The following ARHGEF26 variants were observed in gnomAD, a reference collection of about 807,000 sequenced individuals.
The protein encoded by ARHGEF26 is Rho guanine nucleotide exchange factor 26.
Under a neutral mutation model 89.4 loss-of-function variants are expected in ARHGEF26, and 59 were observed. The observed-to-expected ratio is 0.66, with a 90% CI of 0.54 to 0.82. ARHGEF26 has a LOEUF of 0.82. Ranked by LOEUF, ARHGEF26 falls within the 40% of genes least tolerant of loss-of-function variation. ARHGEF26 has a pLI of 0.00. For synonymous variants in ARHGEF26, 500 were observed against 428.4 expected (o/e 1.17, Z -2.06); for missense variants, 1,234 against 1,085.6 (o/e 1.14, Z -1.92).
intron 11 of ARHGEF26, among the ~76,000 whole-genome samples, chr3:154,234,840 A>G (rs1036198252): frequency 2.0e-5 from 3 of 152,080 alleles, no homozygotes; most frequent in African/African-American, 7.2e-5. Context: ...ATCTCGGCTC[A>G]CTGCAAGGTC....
At chr3:154,124,882 A>G (rs1263144836) in intron 3 of ARHGEF26, among the ~76,000 whole-genome samples, 1 of 151,980 alleles carries the variant, frequency 6.6e-6, no homozygotes, top group Non-Finnish European at 1.5e-5. Flanking sequence ...CTGTTTCCTT[A>G]TTAAGTTTCA....
intron 2 of ARHGEF26, among the ~76,000 whole-genome samples, chr3:154,123,665 T>C (rs1388052205): frequency 1.3e-5 from 2 of 152,226 alleles, no homozygotes; most frequent in African/African-American, 4.8e-5. Flanking sequence ...TTGCTTGTTT[T>C]TGTCACCGTG....
chr3:154,140,739 C>T (rs1719317559), intron 4 of ARHGEF26, among the ~76,000 whole-genome samples: 1 of 151,898 alleles, frequency 6.6e-6, no homozygotes, highest in Admixed American at 6.6e-5. Flanking sequence ...CGCCACCACG[C>T]CCGGCTAATT....
At chr3:154,188,521 T>C (rs1713734164) in intron 7 of ARHGEF26, among the ~76,000 whole-genome samples, 1 of 152,234 alleles carries the variant, frequency 6.6e-6, no homozygotes, top group East Asian at 1.9e-4. Flanking sequence ...TGTTCAGTAA[T>C]GCCTATATGT....
intron 4 of ARHGEF26, among the ~76,000 whole-genome samples, chr3:154,143,102 A>G (rs180789162): frequency 1.1e-3 from 162 of 152,302 alleles, no homozygotes; most frequent in Non-Finnish European, 1.6e-3. Flanking sequence ...ATGTTGAAGT[A>G]GTATTTTAGT....
chr3:154,242,405 G>A (rs879911452), intron 12 of ARHGEF26, among the ~76,000 whole-genome samples: 12 of 152,148 alleles, frequency 7.9e-5, no homozygotes, highest in Admixed American at 2.0e-4. Flanking sequence ...AGACTTCAGC[G>A]GAGGAAGCAA....
intron 6 of ARHGEF26, among the ~76,000 whole-genome samples, chr3:154,158,010 G>T (rs982910970): frequency 6.6e-6 from 1 of 152,054 alleles, no homozygotes; most frequent in Non-Finnish European, 1.5e-5. Context: ...TACCCCCTAA[G>T]GATACTTGGA....
At chr3:154,197,100 T>G (rs1714340062) in intron 9 of ARHGEF26, among the ~76,000 whole-genome samples, 1 of 152,140 alleles carries the variant, frequency 6.6e-6, no homozygotes, top group Non-Finnish European at 1.5e-5. Flanking sequence ...GTGAGTTGCT[T>G]TACCTTGATA....
chr3:154,161,349 C>T (rs1432919175), intron 6 of ARHGEF26, among the ~76,000 whole-genome samples: 2 of 150,880 alleles, frequency 1.3e-5, no homozygotes, highest in Non-Finnish European at 2.9e-5. Flanking sequence ...TAGGCAAGTA[C>T]TTGTTGACTT....
chr3:154,176,649 T>C (rs1712837618), intron 6 of ARHGEF26, among the ~76,000 whole-genome samples: 1 of 152,164 alleles, frequency 6.6e-6, no homozygotes, highest in Non-Finnish European at 1.5e-5. Context: ...GAGGCGTGCC[T>C]CTGTGTGCTT....
Position 154,255,926 on chromosome 3 carries a change from T to A in ARHGEF26, c.*453T>A. 1 of 982,044 alleles carries A rather than the reference T, an allele frequency of 1.0e-6. No individual in the cohort carries two copies. Among genetic ancestry groups the A allele is most frequent in the South Asian group, 4.7e-5 (1 of 21,222 alleles). 60.8% of individuals were successfully genotyped at this position (982,044 alleles called of 1,614,324 possible). On this transcript the variant is annotated 3_prime_UTR_variant, in exon 15 of 15. Coordinates refer to ENST00000465093, the MANE Select transcript of ARHGEF26 (RefSeq NM_015595.4). ...CCAGTTTTGTAAATATTTCCCTGCCTTTTTTTTTCTTTTTTTACATCTGAT... is the reference window on the plus strand; with the variant it reads ...CCAGTTTTGTAAATATTTCCCTGCCATTTTTTTTCTTTTTTTACATCTGAT...
chr3:154,128,512 T>A (rs1018800067), intron 3 of ARHGEF26, among the ~76,000 whole-genome samples: 1 of 152,172 alleles, frequency 6.6e-6, no homozygotes, highest in African/African-American at 2.4e-5. Context: ...GTGCTGAGAT[T>A]ACAAGTGTGA....
At chr3:154,188,581 T>C (rs1362374989) in intron 7 of ARHGEF26, among the ~76,000 whole-genome samples, 1 of 152,204 alleles carries the variant, frequency 6.6e-6, no homozygotes, top group Non-Finnish European at 1.5e-5. Flanking sequence ...AGCACAGTTG[T>C]GCACTGCTGT....
intron 11 of ARHGEF26, among the ~76,000 whole-genome samples, chr3:154,230,694 A>C (rs1202728238): frequency 6.6e-6 from 1 of 152,202 alleles, no homozygotes; most frequent in East Asian, 1.9e-4. Flanking sequence ...CATTTAAGAC[A>C]GGAGATTTCT....
At chr3:154,124,034 T>G (rs1183138220) in intron 2 of ARHGEF26, among the ~76,000 whole-genome samples, 1 of 152,108 alleles carries the variant, frequency 6.6e-6, no homozygotes, top group Non-Finnish European at 1.5e-5. Flanking sequence ...GAGCCCGTGG[T>G]CTTAAAGAAA....
At chr3:154,197,365 AAGAG>A in intron 9 of ARHGEF26, among the ~76,000 whole-genome samples, 1 of 152,328 alleles carries the variant, frequency 6.6e-6, no homozygotes, top group African/African-American at 2.4e-5. Context: ...TTTCAGCAGA[AAGAG>A]TATGCATAGA....
At chr3:154,189,935 ATTTCT>A (rs1238563639) in intron 7 of ARHGEF26, among the ~76,000 whole-genome samples, 2 of 152,090 alleles carry the variant, frequency 1.3e-5, no homozygotes, top group African/African-American at 4.8e-5. Flanking sequence ...TTTCTGTATA[ATTTCT>A]TTTCATTTGC....
Position 154,256,141 on chromosome 3 carries a change from TA to T in ARHGEF26, c.*671del. The T allele has an allele frequency of 1.0e-6, 1 of 984,918 alleles. No individual in the cohort carries two copies. Among genetic ancestry groups the T allele is most frequent in the Non-Finnish European group, 1.2e-6 (1 of 829,100 alleles). 61.0% of individuals were successfully genotyped at this position (984,918 alleles called of 1,614,324 possible). A position where few individuals can be genotyped will look rare whatever the true frequency, so the allele number is the denominator to read the frequency against. On this transcript the variant is annotated 3_prime_UTR_variant, in exon 15 of 15. Coordinates refer to ENST00000465093, the MANE Select transcript of ARHGEF26 (RefSeq NM_015595.4). The stretch of plus-strand genomic sequence containing the variant: ...AATCCATCTCACCCCATATTGTTCT[TA>T]AATAAGTATAGACTAATTAACCTAA...
intron 4 of ARHGEF26, among the ~76,000 whole-genome samples, chr3:154,135,584 C>T (rs1004649802): frequency 5.3e-5 from 8 of 152,238 alleles, no homozygotes; most frequent in African/African-American, 9.6e-5. Flanking sequence ...CCCTGCTGCA[C>T]GCAGGTAAAT....
Sources: allele counts gnomAD v4.1 joint callset (sites outside exome capture counted in the v4.1 genomes callset), GRCh38; gene constraint gnomAD v4.1.1; transcripts MANE v1.5; gene names NCBI Gene and HGNC (gene_info 2026-07-23, HGNC 2026-07-21).